The following ADAMTSL1 variants were observed in gnomAD, a reference collection of about 807,000 sequenced individuals.
The protein encoded by ADAMTSL1 is ADAMTS like 1, also known as ADAMTS-like protein 1.
ADAMTSL1 carries 126 observed loss-of-function variants against 201.8 expected under a neutral mutation model. The observed-to-expected ratio is 0.62, with a 90% confidence interval of 0.54 to 0.72. ADAMTSL1 has a LOEUF of 0.72. Ranked by LOEUF, ADAMTSL1 falls within the 30% of genes least tolerant of loss-of-function variation. The pLI is 0.00. For synonymous variants in ADAMTSL1, 1,121 were observed against 903.4 expected (o/e 1.24, Z -4.32); for missense variants, 2,679 against 2,277.8 (o/e 1.18, Z -3.59).
At chr9:18,240,739 G>A (rs1243389588) in intron 2 of ADAMTSL1, among the ~76,000 whole-genome samples, 1 of 152,166 alleles carries the variant, frequency 6.6e-6, no homozygotes, top group Non-Finnish European at 1.5e-5. Context: ...TTTCATCTAC[G>A]TTGAAAATCT....
chr9:18,705,823 A>C (rs915447919), intron 13 of ADAMTSL1, among the ~76,000 whole-genome samples: 1 of 152,232 alleles, frequency 6.6e-6, no homozygotes, highest in Non-Finnish European at 1.5e-5. Flanking sequence ...TTCCTTAAAT[A>C]TCTCCAAGGG....
chr9:18,905,178 T>C (rs1188068837), intron 26 of ADAMTSL1, among the ~76,000 whole-genome samples: 2 of 152,126 alleles, frequency 1.3e-5, no homozygotes, highest in Admixed American at 6.5e-5. Context: ...TCACAGACAG[T>C]TGTTGCTAGG....
chr9:18,254,508 T>A (rs576337744), intron 2 of ADAMTSL1, among the ~76,000 whole-genome samples: 2 of 151,394 alleles, frequency 1.3e-5, no homozygotes, highest in Non-Finnish European at 2.9e-5. Flanking sequence ...GACTACAGGC[T>A]CCCGCCACCA....
intron 2 of ADAMTSL1, among the ~76,000 whole-genome samples, chr9:18,372,680 G>A (rs1837098830): frequency 6.6e-6 from 1 of 152,130 alleles, no homozygotes; most frequent in Non-Finnish European, 1.5e-5. Flanking sequence ...TCTATCATCA[G>A]GGTCTTTTGG....
At chr9:18,770,110 C>A (rs903435781) in intron 16 of ADAMTSL1, among the ~76,000 whole-genome samples, 2 of 152,078 alleles carry the variant, frequency 1.3e-5, no homozygotes, top group Non-Finnish European at 2.9e-5. Context: ...GAAAACCAGA[C>A]CCTAAATCTA....
chr9:18,850,083 A>G (rs1826388035), intron 23 of ADAMTSL1, among the ~76,000 whole-genome samples: 1 of 152,182 alleles, frequency 6.6e-6, no homozygotes, highest in Non-Finnish European at 1.5e-5. Flanking sequence ...AGTAAATGTC[A>G]CTGCCTAGCC....
intron 15 of ADAMTSL1, among the ~76,000 whole-genome samples, chr9:18,746,985 G>T (rs780175719): frequency 2.3e-4 from 35 of 152,220 alleles, no homozygotes; most frequent in Middle Eastern, 6.8e-3. Flanking sequence ...ACTGCAAGTG[G>T]ATTCATGGCC....
chr9:18,438,794 A>G (rs1819866697), intron 2 of ADAMTSL1, among the ~76,000 whole-genome samples: 1 of 152,132 alleles, frequency 6.6e-6, no homozygotes, highest in South Asian at 2.1e-4. Flanking sequence ...CACGCCGGGC[A>G]GCCCCTCTCG....
intron 27 of ADAMTSL1, 101 bp from the exon 28 acceptor site, chr9:18,906,591 G>C: frequency 1.0e-6 from 1 of 983,164 alleles, no homozygotes; most frequent in Non-Finnish European, 1.5e-6. Flanking sequence ...AAGTTCTTGA[G>C]GAACCACCTA....
chr9:17,915,562 T>C (rs1826058726), intron 1 of ADAMTSL1, among the ~76,000 whole-genome samples: 1 of 152,206 alleles, frequency 6.6e-6, no homozygotes, highest in South Asian at 2.1e-4. Context: ...GTTGTTTAAT[T>C]TGTGTTAGGT....
chr9:18,487,806 A>C (rs1822071540), intron 1 of ADAMTSL1, among the ~76,000 whole-genome samples: 1 of 152,200 alleles, frequency 6.6e-6, no homozygotes, highest in Non-Finnish European at 1.5e-5. Flanking sequence ...GGCCTTGGTT[A>C]GCAGGAGCCT....
At chr9:17,982,499 C>G (rs1818746801) in intron 1 of ADAMTSL1, among the ~76,000 whole-genome samples, 1 of 152,088 alleles carries the variant, frequency 6.6e-6, no homozygotes, top group Admixed American at 6.5e-5. Context: ...GTAGTCCCAT[C>G]TACTCAGGAG....
Position 18,579,194 on chromosome 9 carries a change from A to T in ADAMTSL1, c.474+4928A>T, listed in dbSNP as rs1366723566. Among the ~76,000 whole-genome samples the T allele has an allele frequency of 1.4e-3, 211 of 150,454 alleles. 1 individual carries two copies. The highest frequency in any genetic ancestry group is 2.3e-3 in the Non-Finnish European group (158 of 67,564). The stretch of plus-strand genomic sequence containing the variant: ...AAAATGATGAGTTCATGTCCTTTGT[A>T]GGGACATGGATGAAATTGGAAACCA... On this transcript the variant is annotated intron_variant, in intron 4 of 28. Coordinates refer to ENST00000380548, the MANE Select transcript of ADAMTSL1 (RefSeq NM_001040272.6).
chr9:18,302,362 G>A (rs1487591612), intron 2 of ADAMTSL1, among the ~76,000 whole-genome samples: 1 of 152,144 alleles, frequency 6.6e-6, no homozygotes, highest in African/African-American at 2.4e-5. Flanking sequence ...ACCACACTTA[G>A]TGATGAAAGT....
rs557104084 is a variant in ADAMTSL1 at position 18,661,870 on chromosome 9, T to C, written c.947-65T>C. 2.6e-6 allele frequency: 4 copies of C among 1,518,844 alleles called. No homozygotes were observed. In the East Asian group the frequency reaches 7.0e-5, roughly 27 times the overall value. The allele number at this position is 1,518,844 out of a possible 1,614,324, so 94.1% of individuals were successfully genotyped here. ...TTCCATTGATGTGAGCTGGCCAAAA[T>C]GCATAAAGAAATATATTGCATTGGC... On this transcript the variant is annotated intron_variant, in intron 8 of 28. Transcript: ENST00000380548.
chr9:18,345,384 C>G (rs1371504779), intron 2 of ADAMTSL1, among the ~76,000 whole-genome samples: 1 of 150,352 alleles, frequency 6.7e-6, no homozygotes. Flanking sequence ...TCAGAAACAT[C>G]CGAATCATCA....
At chr9:18,727,959 A>AACC (rs372954323) in intron 15 of ADAMTSL1, among the ~76,000 whole-genome samples, 118 of 152,132 alleles carry the variant, frequency 7.8e-4, no homozygotes, top group African/African-American at 2.7e-3. Context: ...GTGCCCCTGT[A>AACC]ACCCCAGCTA....
In ADAMTSL1 at chr9:18,523,763, G is replaced by A. The variant is rs1300158900; in HGVS notation, c.192-9484G>A. Reference sequence around the variant, plus strand: ...GATCAGATAGTTGTAGATATGCGGCGTTATTTCTGAGGGCTCTGTTCTGTT... The same window carrying A: ...GATCAGATAGTTGTAGATATGCGGCATTATTTCTGAGGGCTCTGTTCTGTT... On this transcript the variant is annotated intron_variant, in intron 2 of 28. Coordinates refer to ENST00000380548, the MANE Select transcript of ADAMTSL1 (RefSeq NM_001040272.6). Among the ~76,000 whole-genome samples, 52 of 139,852 alleles carry A rather than the reference G, an allele frequency of 3.7e-4. 1 individual carries two copies. In the South Asian group the frequency reaches 7.9e-3, roughly 21 times the overall value. The allele number at this position is 139,852 out of a possible 152,430, so 91.7% of individuals were successfully genotyped here.
intron 1 of ADAMTSL1, among the ~76,000 whole-genome samples, chr9:18,070,121 G>A (rs1452637465): frequency 2.0e-5 from 3 of 152,126 alleles, no homozygotes; most frequent in Non-Finnish European, 2.9e-5. Flanking sequence ...GAGTAAGTGT[G>A]GACTGAAAAC....
Sources: gnomAD v4.1 joint callset for allele counts (sites outside exome capture counted in the v4.1 genomes callset) on GRCh38, gnomAD v4.1.1 for gene constraint, MANE v1.5 for transcripts, NCBI Gene and HGNC (gene_info 2026-07-23, HGNC 2026-07-21) for gene names.